The following WDR25 variants were observed in gnomAD, a reference collection of about 807,000 sequenced individuals.
WDR25 encodes WD repeat-containing protein 25.
A neutral mutation model predicts 47.7 loss-of-function variants in WDR25; 35 were observed. The observed-to-expected ratio is 0.73, with a 90% CI of 0.56 to 0.97. WDR25 has a LOEUF of 0.97. Among genes scored for constraint, WDR25 ranks in the 50% least tolerant of loss-of-function variants. WDR25 has a pLI of 0.00. For missense variants in WDR25, 634 were observed against 704.7 expected (o/e 0.90, Z 1.14); for synonymous variants, 248 against 278.9 (o/e 0.89, Z 1.10).
At chr14:100,380,742 C>A (rs1428007438) in intron 1 of WDR25, among the ~76,000 whole-genome samples, 168 bp from the exon 2 acceptor site, 1 of 152,208 alleles carries the variant, frequency 6.6e-6, no homozygotes, top group Non-Finnish European at 1.5e-5. Context: ...TATCCACCCA[C>A]CTCGGCCTCC....
chr14:100,476,321 G>A lies in WDR25; in HGVS notation c.971-7673G>A, dbSNP rs1352144286. Among the ~76,000 whole-genome samples, 6 of 152,230 alleles carry A rather than the reference G, an allele frequency of 3.9e-5. No individual in the cohort carries two copies. In the East Asian group the frequency reaches 1.2e-3, roughly 29 times the overall value. On this transcript the variant is annotated intron_variant, in intron 3 of 6. Coordinates refer to ENST00000402312, the MANE Select transcript of WDR25 (RefSeq NM_001161476.3). ...TGCATAAAGTTTGATTTGAAAGTTAGTAAGTTTCTTTTCTCGTTAACTTTG... is the reference window on the plus strand; with the variant it reads ...TGCATAAAGTTTGATTTGAAAGTTAATAAGTTTCTTTTCTCGTTAACTTTG...
intron 2 of WDR25, among the ~76,000 whole-genome samples, chr14:100,413,797 T>C (rs1302797281): frequency 6.6e-6 from 1 of 152,234 alleles, no homozygotes; most frequent in Non-Finnish European, 1.5e-5. Context: ...AATATGTAAA[T>C]GGAATCATGC....
rs1410722955 is a variant in WDR25, at chr14:100,449,993, C to T, written c.823-18028C>T. On this transcript the variant is annotated intron_variant, in intron 2 of 6. Transcript: ENST00000402312. This position sits in a 1 kb window ranked among gnomAD's most constrained non-coding sequence, Gnocchi z 4.2. ...CTGGGCATTCAGTGCGTCCACAGTC[C>T]GGCGGCCCAGGCCTGCTCTCTCCCC... 3.9e-5 allele frequency among the ~76,000 whole-genome samples: 6 copies of T among 152,350 alleles called. No homozygotes were observed. Among genetic ancestry groups the T allele is most frequent in the South Asian group, 2.1e-4 (1 of 4,830 alleles).
Position 100,424,840 on chromosome 14 carries a change from A to C in WDR25, c.822+43094A>C, listed in dbSNP as rs1476644198. Among the ~76,000 whole-genome samples the C allele has an allele frequency of 6.6e-6, 1 of 152,162 alleles. No homozygotes were observed. Among genetic ancestry groups the C allele is most frequent in the Non-Finnish European group, 1.5e-5 (1 of 68,026 alleles). On this transcript the variant is annotated intron_variant, in intron 2 of 6. Coordinates refer to ENST00000402312, the MANE Select transcript of WDR25 (RefSeq NM_001161476.3). The surrounding 1 kb of genome is among the most constrained non-coding windows in gnomAD (Gnocchi z 4.2). ...AGTTTGATCATTCCATTCCACTGACAAGGAAACTCAGGCTCAACAAGGTGA... is the reference window on the plus strand; with the variant it reads ...AGTTTGATCATTCCATTCCACTGACCAGGAAACTCAGGCTCAACAAGGTGA...
At chr14:100,399,491 G>A (rs574292625) in intron 2 of WDR25, among the ~76,000 whole-genome samples, 6 of 151,396 alleles carry the variant, frequency 4.0e-5, no homozygotes, top group South Asian at 2.1e-4. Flanking sequence ...TCCTGTCTCC[G>A]CCTGCCTTTT....
chr14:100,450,749 G>A (rs540838781), intron 2 of WDR25, among the ~76,000 whole-genome samples: 6 of 152,118 alleles, frequency 3.9e-5, no homozygotes, highest in Non-Finnish European at 7.3e-5. Flanking sequence ...CTTCTTCCCC[G>A]CAGTTATTGA....
Position 100,529,585 on chromosome 14 carries a change from C to A in WDR25, c.1414-235C>A. On this transcript the variant is annotated intron_variant, in intron 6 of 6. Transcript: ENST00000402312. The surrounding 1 kb of genome is among the most constrained non-coding windows in gnomAD (Gnocchi z 5.1). Reference sequence around the variant, plus strand: ...TGACTGTCACTGAGGCCAGACCCCTCAGCTGGGCTGGAGCTGGTCCCGCTG... The same window carrying A: ...TGACTGTCACTGAGGCCAGACCCCTAAGCTGGGCTGGAGCTGGTCCCGCTG... 1.6e-6 allele frequency: 1 copy of A among 606,712 alleles called. No individual in the cohort carries two copies. The highest frequency in any genetic ancestry group is 2.0e-5 in the South Asian group (1 of 50,036). 37.6% of individuals were successfully genotyped at this position (606,712 alleles called of 1,614,324 possible).
intron 2 of WDR25, among the ~76,000 whole-genome samples, chr14:100,465,018 T>C (rs1022709009): frequency 1.3e-5 from 2 of 151,394 alleles, no homozygotes; most frequent in South Asian, 2.1e-4. Flanking sequence ...CCACCCTCTC[T>C]TTGGAAGAGC....
intron 2 of WDR25, among the ~76,000 whole-genome samples, chr14:100,466,110 G>A (rs1044278439): frequency 6.6e-6 from 1 of 152,178 alleles, no homozygotes; most frequent in East Asian, 1.9e-4. Flanking sequence ...TCTCCCTCCC[G>A]TGAATTCTTA....
At chr14:100,411,537 CTTTT>C (rs766546637) in intron 2 of WDR25, among the ~76,000 whole-genome samples, 2 of 143,110 alleles carry the variant, frequency 1.4e-5, no homozygotes, top group Admixed American at 7.0e-5. Context: ...TTGCTTTTTG[CTTTT>C]TTTTTTTTTT....
At chr14:100,420,814 A>T (rs1422490153) in intron 2 of WDR25, among the ~76,000 whole-genome samples, 1 of 152,132 alleles carries the variant, frequency 6.6e-6, no homozygotes, top group Non-Finnish European at 1.5e-5. Flanking sequence ...CGTTTGTCTC[A>T]GGGAACAGGA....
intron 3 of WDR25, among the ~76,000 whole-genome samples, chr14:100,476,032 A>G (rs1193348450): frequency 2.0e-5 from 3 of 152,224 alleles, no homozygotes; most frequent in African/African-American, 4.8e-5. Flanking sequence ...TTCTGTTACT[A>G]CTATTATTAC....
chr14:100,376,516 G>T (rs1936136391), intron 1 of WDR25, 21 bp downstream of exon 1: 1 of 1,231,902 alleles, frequency 8.1e-7, no homozygotes, highest in Middle Eastern at 3.1e-4. Context: ...TGAGCGGCGG[G>T]CCCCGGGCTG....
intron 2 of WDR25, among the ~76,000 whole-genome samples, chr14:100,447,416 C>A (rs368703433): frequency 1.3e-5 from 2 of 152,198 alleles, no homozygotes; most frequent in Non-Finnish European, 2.9e-5. Context: ...TGTGCTGAGG[C>A]GTGGGCGTGC....
At chr14:100,495,432 A>AT (rs1162249621) in intron 4 of WDR25, among the ~76,000 whole-genome samples, 2 of 152,148 alleles carry the variant, frequency 1.3e-5, no homozygotes, top group African/African-American at 2.4e-5. Context: ...ACATAAGGGG[A>AT]TTTTCTCCAG....
chr14:100,446,922 G>A (rs1898854254), intron 2 of WDR25, among the ~76,000 whole-genome samples: 2 of 152,152 alleles, frequency 1.3e-5, no homozygotes, highest in Non-Finnish European at 2.9e-5. Context: ...ATCGTCTGTG[G>A]CCACAGAAAT....
intron 3 of WDR25, among the ~76,000 whole-genome samples, chr14:100,482,120 C>G (rs921075305): frequency 7.9e-5 from 12 of 151,910 alleles, no homozygotes; most frequent in Non-Finnish European, 1.5e-4. Flanking sequence ...TCCCATGTGG[C>G]CAGTGGTGAA....
intron 2 of WDR25, among the ~76,000 whole-genome samples, chr14:100,400,016 T>C (rs751792184): frequency 3.3e-5 from 5 of 152,298 alleles, no homozygotes; most frequent in Middle Eastern, 3.4e-3. Flanking sequence ...AATGACTGCT[T>C]TTAAAGGACT....
intron 2 of WDR25, among the ~76,000 whole-genome samples, chr14:100,417,965 G>A (rs535277909): frequency 2.0e-4 from 30 of 149,318 alleles, no homozygotes; most frequent in African/African-American, 7.2e-4. Flanking sequence ...TTTTTGAGAC[G>A]GAGGCTCGCT....
Sources: allele counts gnomAD v4.1 joint callset (sites outside exome capture counted in the v4.1 genomes callset), GRCh38; gene constraint gnomAD v4.1.1; non-coding constraint Gnocchi (gnomAD v3.1); transcripts MANE v1.5; gene names NCBI Gene and HGNC (gene_info 2026-07-23, HGNC 2026-07-21).